Variants in PDE4B observed in about 807,000 individuals in gnomAD.
PDE4B encodes 3',5'-cyclic-AMP phosphodiesterase 4B.
A neutral mutation model predicts 82.2 loss-of-function variants in PDE4B; 20 were observed. The ratio of observed to expected loss-of-function variants is 0.24; its 90% CI spans 0.17 to 0.35. PDE4B has a LOEUF of 0.35. Ranked by LOEUF, PDE4B falls within the 10% of genes least tolerant of loss-of-function variation. The pLI, the probability that PDE4B is intolerant of heterozygous loss-of-function variation, is 1.00. For synonymous variants in PDE4B, 320 were observed against 318.9 expected (o/e 1.00, Z -0.04); for missense variants, 655 against 907.2 (o/e 0.72, Z 3.57).
chr1:66,098,862 A>G (rs988171689), intron 3 of PDE4B, among the ~76,000 whole-genome samples: 3 of 152,154 alleles, frequency 2.0e-5, no homozygotes, highest in Admixed American at 6.6e-5. Flanking sequence ...CACTAAGGCC[A>G]TACAAAAACA....
intron 8 of PDE4B, among the ~76,000 whole-genome samples, chr1:66,336,090 G>A (rs932355168): frequency 3.9e-5 from 6 of 152,164 alleles, no homozygotes; most frequent in African/African-American, 7.2e-5. Context: ...GCCCAACAAC[G>A]GCATAAACAG....
chr1:66,243,278 A>G (rs954965334), intron 3 of PDE4B, among the ~76,000 whole-genome samples: 2 of 152,208 alleles, frequency 1.3e-5, no homozygotes, highest in Non-Finnish European at 2.9e-5. Context: ...GGGAAGCAGA[A>G]AGAGGGGAGG....
intron 3 of PDE4B, among the ~76,000 whole-genome samples, chr1:66,124,155 A>G (rs1645771553): frequency 6.6e-6 from 1 of 152,228 alleles, no homozygotes; most frequent in African/African-American, 2.4e-5. Flanking sequence ...GCTTAAGAAC[A>G]TCAGTTTGAG....
chr1:65,944,567 G>C (rs1290450272), intron 3 of PDE4B, among the ~76,000 whole-genome samples: 1 of 151,956 alleles, frequency 6.6e-6, no homozygotes, highest in East Asian at 1.9e-4. Context: ...TTTATAGACA[G>C]GGAAATGGAA....
chr1:66,145,650 T>C (rs1646254294), intron 3 of PDE4B, among the ~76,000 whole-genome samples: 1 of 152,184 alleles, frequency 6.6e-6, no homozygotes, highest in Admixed American at 6.5e-5. Flanking sequence ...ATTTCTGAGC[T>C]TTTTATTGAA....
At chr1:66,144,046 G>T in intron 3 of PDE4B, among the ~76,000 whole-genome samples, 1 of 152,212 alleles carries the variant, frequency 6.6e-6, no homozygotes, top group Non-Finnish European at 1.5e-5. Context: ...CAGCTAAATT[G>T]AATCCTTACT....
intron 1 of PDE4B, among the ~76,000 whole-genome samples, chr1:65,809,893 G>A (rs186631769): frequency 6.6e-6 from 1 of 152,320 alleles, no homozygotes; most frequent in Admixed American, 6.5e-5. Context: ...GATAAATCAT[G>A]CCTTGTGCTT....
At chr1:65,948,038 C>T (rs1181193066) in intron 3 of PDE4B, among the ~76,000 whole-genome samples, 1 of 148,798 alleles carries the variant, frequency 6.7e-6, no homozygotes, top group Non-Finnish European at 1.5e-5. Flanking sequence ...TTTATAAATT[C>T]ATTATCCTCG....
intron 3 of PDE4B, among the ~76,000 whole-genome samples, chr1:66,110,694 T>A (rs2101050533): frequency 6.6e-6 from 1 of 152,178 alleles, no homozygotes; most frequent in Non-Finnish European, 1.5e-5. Flanking sequence ...ATAAAAATAG[T>A]ACTACCTCAT....
At chr1:66,368,140 A>T in intron 15 of PDE4B, 75 bp downstream of exon 15, 1 of 1,521,860 alleles carries the variant, frequency 6.6e-7, no homozygotes. Flanking sequence ...AAAAGAAAAC[A>T]AAGATAAATT....
intron 3 of PDE4B, among the ~76,000 whole-genome samples, chr1:66,133,745 G>GTGTCTT (rs774325976): frequency 6.6e-6 from 1 of 152,142 alleles, no homozygotes; most frequent in Non-Finnish European, 1.5e-5. Context: ...CTCCTTCCTG[G>GTGTCTT]TGTCTTGCTA....
intron 3 of PDE4B, among the ~76,000 whole-genome samples, chr1:66,224,106 G>A (rs369605036): frequency 4.6e-5 from 7 of 152,026 alleles, no homozygotes; most frequent in Non-Finnish European, 7.4e-5. Context: ...TTGATGTCAA[G>A]CATTTCCACT....
chr1:66,262,384 CCCAAGGG>C lies in PDE4B; in HGVS notation c.585-3652_585-3646del, dbSNP rs567421987. ...AGAAACTAGGAGGTTCCGTGAATTG[CCCAAGGG>C]CTATACAGTGGGAAGGTGCCAGAGC... On this transcript the variant is annotated intron_variant, in intron 6 of 16. Coordinates refer to ENST00000341517, the MANE Select transcript of PDE4B (RefSeq NM_002600.4). Among the ~76,000 whole-genome samples the C allele has an allele frequency of 2.8e-3, 426 of 152,304 alleles. 3 individuals carry two copies. The highest frequency in any genetic ancestry group is 9.8e-3 in the African/African-American group (406 of 41,566).
chr1:65,841,547 C>T (rs1197399682), intron 1 of PDE4B, among the ~76,000 whole-genome samples: 3 of 152,026 alleles, frequency 2.0e-5, no homozygotes, highest in South Asian at 2.1e-4. Flanking sequence ...GGGCCAAAAA[C>T]GGGTTATGAA....
intron 4 of PDE4B, among the ~76,000 whole-genome samples, chr1:66,254,182 C>T (rs528911762): frequency 6.6e-6 from 1 of 152,100 alleles, no homozygotes; most frequent in South Asian, 2.1e-4. Flanking sequence ...ACAATGTGAA[C>T]TTCACATCAG....
At chr1:66,190,001 A>G (rs1273661689) in intron 3 of PDE4B, among the ~76,000 whole-genome samples, 1 of 152,110 alleles carries the variant, frequency 6.6e-6, no homozygotes, top group African/African-American at 2.4e-5. Context: ...GTGATGAAGA[A>G]ATGGGGTTTT....
intron 1 of PDE4B, among the ~76,000 whole-genome samples, chr1:65,841,368 GGGAAA>G (rs894959643): frequency 5.7e-5 from 8 of 140,990 alleles, no homozygotes; most frequent in African/African-American, 8.0e-5. Context: ...GAGAGAGAAA[GGGAAA>G]GGAAAGGAAA....
At chr1:66,002,019 G>A (rs866461648) in intron 3 of PDE4B, among the ~76,000 whole-genome samples, 1 of 152,100 alleles carries the variant, frequency 6.6e-6, no homozygotes, top group African/African-American at 2.4e-5. Context: ...CACCGTGCCT[G>A]GCCTATAGTA....
At position 66,363,590 on chromosome 1, in the gene PDE4B, T is replaced by C. The variant is rs1372347385; in HGVS notation, c.1284+19T>C. 5.0e-6 allele frequency: 8 copies of C among 1,595,632 alleles called. No individual in the cohort carries two copies. The highest frequency in any genetic ancestry group is 6.8e-6 in the Non-Finnish European group (8 of 1,168,172). ...ATTAGACGTGAGTAATTATGACCTG[T>C]TTTGCATTCCTGCCCATCCTCCTTC... On this transcript the variant is annotated intron_variant, in intron 12 of 16. Transcript: ENST00000341517.
Sources: allele counts gnomAD v4.1 joint callset (sites outside exome capture counted in the v4.1 genomes callset), GRCh38; gene constraint gnomAD v4.1.1; transcripts MANE v1.5; gene names NCBI Gene and HGNC (gene_info 2026-07-23, HGNC 2026-07-21).